Variants in FAM227B observed in about 807,000 individuals in gnomAD.
The protein encoded by FAM227B is family with sequence similarity 227 member B, also known as protein FAM227B.
Under a neutral mutation model 73.8 loss-of-function variants are expected in FAM227B, and 88 were observed. The ratio of observed to expected loss-of-function variants is 1.19; its 90% CI spans 1.00 to 1.42. The LOEUF is 1.42. FAM227B is among the 40% of genes most tolerant of loss of function. FAM227B has a pLI of 0.00. For synonymous variants in FAM227B, 210 were observed against 190.5 expected, an observed-to-expected ratio of 1.10 and a Z score of -0.84; for missense variants, 632 against 590.9, an observed-to-expected ratio of 1.07 and a Z score of -0.72.
At chr15:49,531,556 C>A (rs2060609999) in intron 10 of FAM227B, among the ~76,000 whole-genome samples, 1 of 151,824 alleles carries the variant, frequency 6.6e-6, no homozygotes, top group Non-Finnish European at 1.5e-5. Flanking sequence ...GTTTAGATTT[C>A]TTGGGAGCCT....
intron 11 of FAM227B, among the ~76,000 whole-genome samples, chr15:49,377,355 T>C (rs1468267202): frequency 6.6e-6 from 1 of 152,124 alleles, no homozygotes; most frequent in African/African-American, 2.4e-5. Context: ...GATATACTGA[T>C]TTCCTTTCTT....
At chr15:49,471,593 ATAGT>A (rs952175280) in intron 11 of FAM227B, among the ~76,000 whole-genome samples, 11 of 151,802 alleles carry the variant, frequency 7.2e-5, no homozygotes, top group Admixed American at 3.3e-4. Context: ...AGTACTGAAC[ATAGT>A]TAAGTAATCA....
chr15:49,481,007 T>A (rs1317766384), intron 11 of FAM227B, among the ~76,000 whole-genome samples: 4 of 152,214 alleles, frequency 2.6e-5, no homozygotes, highest in Non-Finnish European at 5.9e-5. Flanking sequence ...CAGTCCCTAA[T>A]AACTGATCAT....
chr15:49,506,380 A>G (rs1237895226), intron 11 of FAM227B, among the ~76,000 whole-genome samples: 2 of 152,092 alleles, frequency 1.3e-5, no homozygotes, highest in Non-Finnish European at 2.9e-5. Flanking sequence ...GTATAAAAAC[A>G]TGCTACACAC....
Position 49,335,478 on chromosome 15 carries a change from G to A in FAM227B, c.1290C>T (p.Tyr430=). The A allele has an allele frequency of 6.2e-7, 1 of 1,613,220 alleles. No individual in the cohort carries two copies. The highest frequency in any genetic ancestry group is 8.5e-7 in the Non-Finnish European group (1 of 1,179,288). Residue 430 remains tyrosine (Y), a synonymous_variant, in exon 14 of 16, where the codon TAC becomes TAT. Transcript: ENST00000299338. The part of the protein sequence containing the change: ...IFQEPLPAPT[Y]RDVIKEAKRQ... ...TTTTTGCCTCCTTTATAACATCACGGTATGTTGGAGCAGGTAGTGTGCTAG... is the reference window on the plus strand; with the variant it reads ...TTTTTGCCTCCTTTATAACATCACGATATGTTGGAGCAGGTAGTGTGCTAG...
At chr15:49,329,900 T>C (rs2038293605) in intron 15 of FAM227B, 1 of 331,698 alleles carries the variant, frequency 3.0e-6, no homozygotes, top group Non-Finnish European at 4.3e-6. Context: ...TGAGTAAAAA[T>C]TTCCAATGTG....
At chr15:49,536,532 A>C (rs1269754830) in intron 10 of FAM227B, among the ~76,000 whole-genome samples, 1 of 151,994 alleles carries the variant, frequency 6.6e-6, no homozygotes, top group East Asian at 1.9e-4. Context: ...CAAAATCTTA[A>C]TGACATTCTT....
intron 10 of FAM227B, among the ~76,000 whole-genome samples, chr15:49,532,352 T>A (rs1018835412): frequency 6.6e-6 from 1 of 151,862 alleles, no homozygotes; most frequent in African/African-American, 2.4e-5. Context: ...ATAGCCTTGA[T>A]TCTTTTATTA....
intron 9 of FAM227B, among the ~76,000 whole-genome samples, chr15:49,552,093 G>GT (rs1340688939): frequency 1.3e-5 from 2 of 152,268 alleles, no homozygotes; most frequent in South Asian, 2.1e-4. Context: ...TTTTGTAAAT[G>GT]TAAGTGATTA....
chr15:49,496,790 T>C (rs1250754356), intron 11 of FAM227B, among the ~76,000 whole-genome samples: 2 of 152,208 alleles, frequency 1.3e-5, no homozygotes, highest in Non-Finnish European at 2.9e-5. Flanking sequence ...GCAGTATATA[T>C]GGAATACAGA....
chr15:49,568,988 C>T (rs1355913753), intron 8 of FAM227B, among the ~76,000 whole-genome samples: 1 of 151,784 alleles, frequency 6.6e-6, no homozygotes, highest in African/African-American at 2.4e-5. Context: ...GGTAGAATTC[C>T]CCAGTGACGC....
chr15:49,565,805 G>A (rs551215252), intron 9 of FAM227B, among the ~76,000 whole-genome samples: 60 of 152,234 alleles, frequency 3.9e-4, no homozygotes, highest in African/African-American at 1.4e-3. Flanking sequence ...ATTATCCCAT[G>A]GGCTGTAAGT....
At chr15:49,450,483 A>G (rs574405749) in intron 11 of FAM227B, among the ~76,000 whole-genome samples, 32 of 152,144 alleles carry the variant, frequency 2.1e-4, no homozygotes, top group African/African-American at 7.0e-4. Flanking sequence ...TTAGAGAGCC[A>G]TTTTATAAAC....
At chr15:49,329,216 G>A (rs1271227041) in intron 15 of FAM227B, 1 of 986,284 alleles carries the variant, frequency 1.0e-6, no homozygotes, top group Non-Finnish European at 1.2e-6. Flanking sequence ...GATTTGTAAT[G>A]GTATTGATGG....
intron 10 of FAM227B, among the ~76,000 whole-genome samples, chr15:49,525,827 T>C (rs1597890408): frequency 6.7e-6 from 1 of 149,048 alleles, no homozygotes; most frequent in African/African-American, 2.5e-5. Flanking sequence ...TCATATGATA[T>C]TGAAGGGTTC....
At chr15:49,386,636 G>GA (rs1016583546) in intron 11 of FAM227B, among the ~76,000 whole-genome samples, 3 of 151,668 alleles carry the variant, frequency 2.0e-5, no homozygotes, top group African/African-American at 7.3e-5. Flanking sequence ...TAGAAGAAAA[G>GA]AAATAACACA....
chr15:49,613,137 G>A (rs559458679), intron 2 of FAM227B, among the ~76,000 whole-genome samples: 4 of 152,234 alleles, frequency 2.6e-5, no homozygotes, highest in African/African-American at 9.6e-5. Context: ...GACTGCTTGA[G>A]CCCAGGAGTT....
At position 49,371,637 on chromosome 15, in the gene FAM227B, A is replaced by G. The variant is rs2045813080; in HGVS notation, c.1013-238T>C. ...ATTCATTTATAAATAAATGAAATAA[A>G]ATTCACTTATAAATAAATGAAATAA... On this transcript the variant is annotated intron_variant, in intron 11 of 15. Transcript: ENST00000299338. 2.6e-5 allele frequency among the ~76,000 whole-genome samples: 4 copies of G among 151,248 alleles called. 1 individual carries two copies. The highest frequency in any genetic ancestry group is 9.7e-5 in the African/African-American group (4 of 41,414).
At chr15:49,593,939 C>T (rs1326860205) in intron 3 of FAM227B, among the ~76,000 whole-genome samples, 3 of 152,102 alleles carry the variant, frequency 2.0e-5, no homozygotes, top group East Asian at 1.9e-4. Flanking sequence ...CCTCTGGGTA[C>T]ATATCTAATA....
Sources: gnomAD v4.1 joint callset for allele counts (sites outside exome capture counted in the v4.1 genomes callset) on GRCh38, gnomAD v4.1.1 for gene constraint, MANE v1.5 for transcripts, NCBI Gene and HGNC (gene_info 2026-07-23, HGNC 2026-07-21) for gene names.